Variants in MYO1E observed in about 807,000 individuals in gnomAD.
MYO1E encodes the protein myosin IE.
A neutral mutation model predicts 151.1 loss-of-function variants in MYO1E; 68 were observed. The ratio of observed to expected loss-of-function variants is 0.45; its 90% confidence interval spans 0.37 to 0.55. The LOEUF is 0.55. Ranked by LOEUF, MYO1E falls within the 20% of genes least tolerant of loss-of-function variation. MYO1E has a pLI of 0.00. For synonymous variants in MYO1E, 601 were observed against 501.7 expected, an observed-to-expected ratio of 1.20 and a Z score of -2.64; for missense variants, 1,363 against 1,389.3, an observed-to-expected ratio of 0.98 and a Z score of 0.30.
intron 1 of MYO1E, among the ~76,000 whole-genome samples, chr15:59,310,438 A>AAG: frequency 6.6e-6 from 1 of 152,308 alleles, no homozygotes; most frequent in South Asian, 2.1e-4. Context: ...CACGTCCTTA[A>AAG]AGAAGAGAAG....
At chr15:59,174,985 C>T (rs1194524182) in intron 19 of MYO1E, among the ~76,000 whole-genome samples, 1 of 152,160 alleles carries the variant, frequency 6.6e-6, no homozygotes, top group Non-Finnish European at 1.5e-5. Flanking sequence ...ATAAAGGTGA[C>T]AGCAAACAGC....
intron 1 of MYO1E, among the ~76,000 whole-genome samples, chr15:59,291,858 A>G (rs1377069495): frequency 6.6e-6 from 1 of 152,070 alleles, no homozygotes; most frequent in Non-Finnish European, 1.5e-5. Context: ...ATCTAAATAG[A>G]CAACAAAGAA....
At chr15:59,231,032 C>T (rs536234808) in intron 6 of MYO1E, among the ~76,000 whole-genome samples, 2 of 152,264 alleles carry the variant, frequency 1.3e-5, no homozygotes, top group African/African-American at 4.8e-5. Flanking sequence ...CTGGAGACAC[C>T]CAGACAGAAA....
intron 22 of MYO1E, among the ~76,000 whole-genome samples, chr15:59,170,291 A>C (rs1287156244): frequency 6.6e-6 from 1 of 152,210 alleles, no homozygotes; most frequent in Non-Finnish European, 1.5e-5. Context: ...AATAACAGAA[A>C]GAACAAGTCA....
At chr15:59,295,325 G>A (rs1490612833) in intron 1 of MYO1E, among the ~76,000 whole-genome samples, 1 of 152,054 alleles carries the variant, frequency 6.6e-6, no homozygotes, top group Non-Finnish European at 1.5e-5. Flanking sequence ...CATCGCTTGT[G>A]TTTGCACTGA....
chr15:59,300,252 G>GT (rs1447130341), intron 1 of MYO1E, among the ~76,000 whole-genome samples: 3 of 152,050 alleles, frequency 2.0e-5, no homozygotes, highest in African/African-American at 7.3e-5. Flanking sequence ...GCTGAAGGGG[G>GT]TGCTGGGTTT....
At chr15:59,165,413 A>G (rs567400657) in intron 22 of MYO1E, among the ~76,000 whole-genome samples, 2 of 152,302 alleles carry the variant, frequency 1.3e-5, no homozygotes, top group East Asian at 3.9e-4. Flanking sequence ...TGGACAAATA[A>G]TAGCCATTTG....
chr15:59,245,939 G>A (rs545320177), intron 4 of MYO1E, among the ~76,000 whole-genome samples: 1 of 152,124 alleles, frequency 6.6e-6, no homozygotes, highest in African/African-American at 2.4e-5. Context: ...TTGCAGAGAT[G>A]TCTCTTGACA....
chr15:59,302,612 T>C (rs761378533), intron 1 of MYO1E, among the ~76,000 whole-genome samples: 12 of 152,180 alleles, frequency 7.9e-5, no homozygotes. Context: ...AACTGATTTT[T>C]TGACTAGGCG....
chr15:59,362,652 T>A (rs1333845967), intron 1 of MYO1E, among the ~76,000 whole-genome samples: 1 of 152,248 alleles, frequency 6.6e-6, no homozygotes, highest in African/African-American at 2.4e-5. Flanking sequence ...TGCATTTAAA[T>A]CTAAAATTTT....
At chr15:59,238,329 C>G (rs2080079159) in intron 4 of MYO1E, among the ~76,000 whole-genome samples, 1 of 152,178 alleles carries the variant, frequency 6.6e-6, no homozygotes, top group Non-Finnish European at 1.5e-5. Context: ...ACAATGTAAA[C>G]ATTCAAGAAT....
At chr15:59,322,332 G>A (rs959295483) in intron 1 of MYO1E, among the ~76,000 whole-genome samples, 13 of 152,210 alleles carry the variant, frequency 8.5e-5, no homozygotes, top group African/African-American at 3.1e-4. Context: ...AAAAGATAAT[G>A]TGTTTTGTGT....
chr15:59,360,217 C>T (rs1238140297), intron 1 of MYO1E, among the ~76,000 whole-genome samples: 2 of 152,050 alleles, frequency 1.3e-5, no homozygotes, highest in Non-Finnish European at 1.5e-5. Flanking sequence ...GTCCTGGGCA[C>T]GAAGCTAAAC....
chr15:59,197,626 A>G (rs1437359468), intron 16 of MYO1E, among the ~76,000 whole-genome samples: 1 of 152,238 alleles, frequency 6.6e-6, no homozygotes, highest in African/African-American at 2.4e-5. Flanking sequence ...TGCATGAAAG[A>G]GAAGTAAGGC....
intron 1 of MYO1E, among the ~76,000 whole-genome samples, chr15:59,299,477 T>C (rs372514572): frequency 6.6e-6 from 1 of 152,224 alleles, no homozygotes; most frequent in Non-Finnish European, 1.5e-5. Flanking sequence ...ACAAAACTTA[T>C]GTTAGGCCTT....
Position 59,236,795 on chromosome 15 carries a change from A to AT in MYO1E, c.333-124dup, listed in dbSNP as rs11356613. The stretch of plus-strand genomic sequence containing the variant: ...AAACAAAAAAAACAGGCAGAAAAGA[A>AT]TTTTTTTTTTTAAGTACAATACCAG... On this transcript the variant is annotated intron_variant, in intron 4 of 27. Transcript: ENST00000288235. 2.7e-3 allele frequency: 2,035 copies of AT among 757,842 alleles called. 3 individuals are homozygous for AT. The highest frequency in any genetic ancestry group is 6.3e-3 in the African/African-American group (359 of 57,214). The allele number at this position is 757,842 out of a possible 1,614,324, so 46.9% of individuals were successfully genotyped here. A position where few individuals can be genotyped will look rare whatever the true frequency, so the allele number is the denominator to read the frequency against.
intron 22 of MYO1E, 86 bp from the exon 23 acceptor site, chr15:59,163,389 C>T: frequency 1.4e-6 from 2 of 1,399,594 alleles, no homozygotes; most frequent in East Asian, 2.3e-5. Context: ...TTTAAAAATC[C>T]TGCAAGATAG....
chr15:59,280,165 CACG>C (rs1414488606), intron 1 of MYO1E, among the ~76,000 whole-genome samples: 1 of 152,138 alleles, frequency 6.6e-6, no homozygotes, highest in Non-Finnish European at 1.5e-5. Flanking sequence ...AAAGAAGAGA[CACG>C]ACAGCTTTCT....
intron 5 of MYO1E, among the ~76,000 whole-genome samples, chr15:59,232,687 C>G (rs2080035597): frequency 6.6e-6 from 1 of 152,214 alleles, no homozygotes; most frequent in South Asian, 2.1e-4. Flanking sequence ...TAGCTACTGA[C>G]TAATTCCAAG....
Sources: gnomAD v4.1 joint callset for allele counts (sites outside exome capture counted in the v4.1 genomes callset) on GRCh38, gnomAD v4.1.1 for gene constraint, MANE v1.5 for transcripts, NCBI Gene and HGNC (gene_info 2026-07-23, HGNC 2026-07-21) for gene names.